Variants in DNAI4 observed in about 807,000 individuals in gnomAD.
DNAI4 encodes the protein dynein axonemal intermediate chain 4.
A neutral mutation model predicts 105.8 loss-of-function variants in DNAI4; 85 were observed. That is an observed-to-expected ratio of 0.80 (90% CI 0.67 to 0.96). The LOEUF is 0.96. Ranked by LOEUF, DNAI4 falls within the 40% of genes least tolerant of loss-of-function variation. The pLI is 0.00. For missense variants in DNAI4, 1,014 were observed against 1,005.6 expected (o/e 1.01, Z -0.11); for synonymous variants, 352 against 331.5 (o/e 1.06, Z -0.67).
intron 7 of DNAI4, among the ~76,000 whole-genome samples, chr1:66,852,657 A>T (rs974850449): frequency 6.6e-6 from 1 of 152,068 alleles, no homozygotes; most frequent in African/African-American, 2.4e-5. Flanking sequence ...CACTTGACAA[A>T]TCAACCATTT....
chr1:66,922,754 A>G (rs1387737559), intron 1 of DNAI4, among the ~76,000 whole-genome samples: 1 of 152,186 alleles, frequency 6.6e-6, no homozygotes, highest in African/African-American at 2.4e-5. Context: ...GAAAGAGTGG[A>G]ATTTGCCATT....
intron 15 of DNAI4, among the ~76,000 whole-genome samples, chr1:66,822,950 C>T (rs1645663946): frequency 6.6e-6 from 1 of 151,896 alleles, no homozygotes; most frequent in South Asian, 2.1e-4. Context: ...GGTACATGTG[C>T]ACAATGTGCA....
At chr1:66,836,108 T>C (rs1198446787) in intron 10 of DNAI4, among the ~76,000 whole-genome samples, 1 of 119,226 alleles carries the variant, frequency 8.4e-6, no homozygotes, top group Non-Finnish European at 1.7e-5. Flanking sequence ...CTGGGCAACA[T>C]AACAAGACCC....
At chr1:66,815,425 C>T (rs1321332608) in intron 16 of DNAI4, among the ~76,000 whole-genome samples, 1 of 151,994 alleles carries the variant, frequency 6.6e-6, no homozygotes, top group Admixed American at 6.6e-5. Flanking sequence ...TTTTTTCTGC[C>T]TTCAGTGTCT....
chr1:66,850,550 G>T (rs1427509849), intron 7 of DNAI4, among the ~76,000 whole-genome samples: 3 of 151,904 alleles, frequency 2.0e-5, no homozygotes, highest in Non-Finnish European at 4.4e-5. Flanking sequence ...AGAAAATAAA[G>T]ATAAATAGAA....
intron 13 of DNAI4, among the ~76,000 whole-genome samples, chr1:66,831,157 A>G (rs1164200694): frequency 6.6e-6 from 1 of 152,000 alleles, no homozygotes; most frequent in Non-Finnish European, 1.5e-5. Flanking sequence ...AACCCTATAT[A>G]TATTAAAATT....
chr1:66,833,480 C>G, intron 13 of DNAI4, 105 bp downstream of exon 13: 1 of 1,288,704 alleles, frequency 7.8e-7, no homozygotes. Flanking sequence ...ATATTAGGCA[C>G]AGTATTCATT....
At chr1:66,855,321 AC>A (rs1354078925) in intron 7 of DNAI4, among the ~76,000 whole-genome samples, 3 of 152,222 alleles carry the variant, frequency 2.0e-5, no homozygotes, top group Non-Finnish European at 2.9e-5. Context: ...CAACTCTGAT[AC>A]TTACATATGT....
At chr1:66,844,807 A>G (rs1241484663) in intron 8 of DNAI4, among the ~76,000 whole-genome samples, 3 of 152,232 alleles carry the variant, frequency 2.0e-5, no homozygotes, top group African/African-American at 7.2e-5. Flanking sequence ...TAAATTGGCA[A>G]GCCATAGATT....
At chr1:66,922,379 C>CA (rs1316536415) in intron 1 of DNAI4, among the ~76,000 whole-genome samples, 2 of 152,002 alleles carry the variant, frequency 1.3e-5, no homozygotes, top group African/African-American at 2.4e-5. Context: ...CACAATATTC[C>CA]AAAAAACTGC....
chr1:66,844,246 T>C (rs1572635635), intron 8 of DNAI4, among the ~76,000 whole-genome samples: 1 of 152,120 alleles, frequency 6.6e-6, no homozygotes, highest in East Asian at 1.9e-4. Context: ...ATACCTTAAA[T>C]ATACACAATA....
At chr1:66,913,855 A>G (rs1464453238) in intron 1 of DNAI4, among the ~76,000 whole-genome samples, 1 of 151,818 alleles carries the variant, frequency 6.6e-6, no homozygotes, top group African/African-American at 2.4e-5. Context: ...GGTGGCGGGC[A>G]CCTGTAGTCC....
rs1646174729 is a variant in DNAI4 at position 66,842,623 on chromosome 1, C to T, written c.1292-1952G>A. ...TGTTGGCCAGGCTTGTCTTGAACTC[C>T]TTTCCTCAAGTGGCCTGCCCACCTC... On this transcript the variant is annotated intron_variant, in intron 8 of 16. Coordinates refer to ENST00000371026, the MANE Select transcript of DNAI4 (RefSeq NM_024763.5). 2.0e-5 allele frequency among the ~76,000 whole-genome samples: 3 copies of T among 152,250 alleles called. No homozygotes were observed. In the South Asian group the frequency reaches 6.2e-4, roughly 32 times the overall value.
intron 9 of DNAI4, among the ~76,000 whole-genome samples, chr1:66,838,011 G>A (rs757060493): frequency 2.6e-5 from 4 of 152,114 alleles, no homozygotes; most frequent in Non-Finnish European, 5.9e-5. Flanking sequence ...TTTGCAGGCT[G>A]AAAGATAAGC....
intron 1 of DNAI4, among the ~76,000 whole-genome samples, chr1:66,921,621 G>A (rs891813013): frequency 6.6e-6 from 1 of 152,168 alleles, no homozygotes; most frequent in Admixed American, 6.5e-5. Flanking sequence ...TACTATGAGA[G>A]TTGGACAGTT....
intron 12 of DNAI4, 87 bp downstream of exon 12, chr1:66,833,904 C>A: frequency 6.8e-7 from 1 of 1,473,794 alleles, no homozygotes; most frequent in Non-Finnish European, 9.0e-7. Flanking sequence ...TTGGCCAAAC[C>A]AAAATTTGTC....
At chr1:66,893,497 T>C in intron 2 of DNAI4, 84 bp from the exon 3 acceptor site, 1 of 1,022,914 alleles carries the variant, frequency 9.8e-7, no homozygotes. Context: ...GAAACAAATA[T>C]GGTAGAAAAA....
intron 7 of DNAI4, among the ~76,000 whole-genome samples, chr1:66,852,379 T>C (rs1033181554): frequency 6.6e-6 from 1 of 152,018 alleles, no homozygotes; most frequent in African/African-American, 2.4e-5. Context: ...TCATTCATTT[T>C]ATGAAACTAT....
chr1:66,914,010 A>AC (rs1649875815), intron 1 of DNAI4, among the ~76,000 whole-genome samples: 2 of 151,872 alleles, frequency 1.3e-5, no homozygotes, highest in African/African-American at 4.8e-5. Context: ...GAAGGTGGAA[A>AC]CGACTCAGTG....
Sources: gnomAD v4.1 joint callset for allele counts (sites outside exome capture counted in the v4.1 genomes callset) on GRCh38, gnomAD v4.1.1 for gene constraint, MANE v1.5 for transcripts, NCBI Gene and HGNC (gene_info 2026-07-23, HGNC 2026-07-21) for gene names.